GAS2: variants seen among roughly 807,000 people sequenced by gnomAD.
The protein encoded by GAS2 is growth arrest specific 2.
Under a neutral mutation model 37.5 loss-of-function variants are expected in GAS2, and 20 were observed. The observed-to-expected ratio is 0.53, with a 90% CI of 0.37 to 0.77. The LOEUF (loss-of-function observed/expected upper bound fraction) is 0.77, where lower values mean the gene tolerates loss of function less well. GAS2 is among the 30% of genes least tolerant of loss of function. GAS2 has a pLI of 0.00. For synonymous variants in GAS2, 144 were observed against 132.2 expected (o/e 1.09, Z -0.61); for missense variants, 336 against 373.4 (o/e 0.90, Z 0.82).
At chr11:22,789,075 G>C (rs1055261302) in intron 7 of GAS2, among the ~76,000 whole-genome samples, 3 of 151,080 alleles carry the variant, frequency 2.0e-5, no homozygotes, top group African/African-American at 7.3e-5. Flanking sequence ...GATCAATGTA[G>C]TGGGAAAAGA....
chr11:22,682,886 AG>A, intron 2 of GAS2, among the ~76,000 whole-genome samples: 1 of 108,872 alleles, frequency 9.2e-6, no homozygotes, highest in African/African-American at 4.8e-5. Flanking sequence ...AAAAAAAAAA[AG>A]GAAAAAAAAA....
intron 1 of GAS2, among the ~76,000 whole-genome samples, chr11:22,657,982 C>G (rs1848874105): frequency 6.6e-6 from 1 of 150,938 alleles, no homozygotes; most frequent in African/African-American, 2.4e-5. Flanking sequence ...TAAAACGATC[C>G]AGATGTATTG....
At chr11:22,781,232 A>G (rs534772893) in intron 7 of GAS2, among the ~76,000 whole-genome samples, 1 of 152,312 alleles carries the variant, frequency 6.6e-6, no homozygotes, top group East Asian at 1.9e-4. Flanking sequence ...AGCAACCAAG[A>G]GGAGATTTCT....
chr11:22,630,888 T>C (rs1490748375), intron 1 of GAS2, among the ~76,000 whole-genome samples: 1 of 152,224 alleles, frequency 6.6e-6, no homozygotes, highest in African/African-American at 2.4e-5. Context: ...AAGATAATGT[T>C]AGTATTTTAA....
rs375837094 is a variant in GAS2 at position 22,748,500 on chromosome 11, C to G, written c.474-620C>G. Among the ~76,000 whole-genome samples the G allele has an allele frequency of 1.4e-4, 22 of 152,134 alleles. No homozygotes were observed. The East Asian group carries it at 2.5e-3, about 17-fold the overall frequency. On this transcript the variant is annotated intron_variant, in intron 5 of 7. Transcript: ENST00000454584. ...AAAACACATGTTTTATACATTGTTA[C>G]TCTAAATTATGTCTCTGTTTCCTCT...
Position 22,800,095 on chromosome 11 carries a change from G to C in GAS2, c.724-11703G>C, listed in dbSNP as rs4923028. Among the ~76,000 whole-genome samples, 810 of 152,214 alleles carry C rather than the reference G, an allele frequency of 5.3e-3. 13 individuals carry two copies. Among genetic ancestry groups the C allele is most frequent in the East Asian group, 0.039 (200 of 5,182 alleles). On this transcript the variant is annotated intron_variant, in intron 7 of 7. Coordinates refer to ENST00000454584, the MANE Select transcript of GAS2 (RefSeq NM_001143830.3). ...GTAGGACTACATGCAGTATAGTACA[G>C]TTGTGCAGTGCACATCCTGAACAGT...
chr11:22,768,559 A>G (rs1854815649), intron 7 of GAS2, among the ~76,000 whole-genome samples: 1 of 152,188 alleles, frequency 6.6e-6, no homozygotes, highest in Non-Finnish European at 1.5e-5. Flanking sequence ...TTTATGTTAT[A>G]GGCAAGTTTT....
intron 4 of GAS2, among the ~76,000 whole-genome samples, chr11:22,734,049 A>G (rs1407409229): frequency 6.6e-6 from 1 of 151,724 alleles, no homozygotes; most frequent in Non-Finnish European, 1.5e-5. Context: ...AGTACATATG[A>G]CTGCATGCTA....
chr11:22,645,907 G>A lies in GAS2; in HGVS notation c.-21+20094G>A, dbSNP rs184266145. 3.9e-3 allele frequency among the ~76,000 whole-genome samples: 567 copies of A among 146,756 alleles called. 15 individuals carry two copies. In the East Asian group the frequency reaches 0.079, roughly 20 times the overall value. On this transcript the variant is annotated intron_variant, in intron 1 of 5. Transcript: ENST00000528582. ...TGCCCAGGCTGGAGTGCAATGGCAT[G>A]ATCTCGGCTCACTGCAACCTCCGCC... is the stretch of plus-strand genomic sequence containing the variant.
At chr11:22,703,975 A>C (rs997828971) in intron 3 of GAS2, among the ~76,000 whole-genome samples, 2 of 152,186 alleles carry the variant, frequency 1.3e-5, no homozygotes, top group Admixed American at 1.3e-4. Flanking sequence ...GGTAATTTGC[A>C]TATCTTGAAG....
At chr11:22,779,713 C>A (rs112808535) in intron 7 of GAS2, among the ~76,000 whole-genome samples, 2 of 149,628 alleles carry the variant, frequency 1.3e-5, no homozygotes, top group African/African-American at 2.5e-5. Context: ...AAACAAAAAA[C>A]AAAAAAAAAA....
At chr11:22,767,420 C>T (rs541589311) in intron 7 of GAS2, among the ~76,000 whole-genome samples, 4 of 151,948 alleles carry the variant, frequency 2.6e-5, no homozygotes, top group African/African-American at 9.7e-5. Context: ...GCATTGTTTT[C>T]CTTAAATTAC....
intron 7 of GAS2, among the ~76,000 whole-genome samples, chr11:22,795,237 GGATTCCAATTT>G (rs1250351235): frequency 6.6e-6 from 1 of 152,062 alleles, no homozygotes; most frequent in African/African-American, 2.4e-5. Flanking sequence ...TTGTTTATCT[GGATTCCAATTT>G]GACTGTGTGT....
chr11:22,694,026 G>A (rs902572982), intron 3 of GAS2, among the ~76,000 whole-genome samples: 8 of 152,194 alleles, frequency 5.3e-5, no homozygotes, highest in Admixed American at 5.2e-4. Context: ...GTAGCGGGAA[G>A]GAGGAGGGAG....
Position 22,749,108 on chromosome 11 carries a change from G to T in GAS2, c.474-12G>T, listed in dbSNP as rs748132584. Reference sequence around the variant, plus strand: ...AGTTATGCATATGTAATGATCCAGGGTCTTTTTAAAGGTATGGTGTGGAGC... The same window carrying T: ...AGTTATGCATATGTAATGATCCAGGTTCTTTTTAAAGGTATGGTGTGGAGC... On this transcript the variant is annotated splice_polypyrimidine_tract_variant and intron_variant, in intron 5 of 7. Transcript: ENST00000454584. 6.2e-7 allele frequency: 1 copy of T among 1,604,158 alleles called. No homozygotes were observed. Among genetic ancestry groups the T allele is most frequent in the South Asian group, 1.1e-5 (1 of 89,450 alleles).
chr11:22,696,312 T>C (rs1850513114), intron 3 of GAS2, among the ~76,000 whole-genome samples: 1 of 152,062 alleles, frequency 6.6e-6, no homozygotes. Context: ...ATGGTGTATA[T>C]GTGCCACATT....
intron 2 of GAS2, 152 bp from the exon 3 acceptor site, chr11:22,685,516 C>A (rs1165408785): frequency 2.9e-6 from 2 of 685,034 alleles, no homozygotes; most frequent in South Asian, 5.3e-5. Flanking sequence ...ATAGAAAATT[C>A]CAAAGAAATG....
chr11:22,809,064 T>C (rs1857020869), intron 7 of GAS2, among the ~76,000 whole-genome samples: 1 of 152,150 alleles, frequency 6.6e-6, no homozygotes, highest in Admixed American at 6.5e-5. Context: ...GATCTTTGAT[T>C]TGATTTGCTT....
intron 7 of GAS2, among the ~76,000 whole-genome samples, chr11:22,798,887 C>T (rs1165881392): frequency 1.3e-5 from 2 of 152,008 alleles, no homozygotes; most frequent in East Asian, 3.9e-4. Flanking sequence ...GCTGAATTCC[C>T]AATCACCCAA....
Sources: gnomAD v4.1 joint callset for allele counts (sites outside exome capture counted in the v4.1 genomes callset) on GRCh38, gnomAD v4.1.1 for gene constraint, MANE v1.5 for transcripts, NCBI Gene and HGNC (gene_info 2026-07-23, HGNC 2026-07-21) for gene names.